GRM7: variants seen among roughly 807,000 people sequenced by gnomAD.
The protein encoded by GRM7 is metabotropic glutamate receptor 7.
GRM7 carries 35 observed loss-of-function variants against 84.5 expected under a neutral mutation model. The ratio of observed to expected loss-of-function variants is 0.41; its 90% confidence interval spans 0.32 to 0.55. The LOEUF is 0.55. Among genes scored for constraint, GRM7 ranks in the 20% least tolerant of loss-of-function variants. The pLI is 0.19. For missense variants in GRM7, 1,003 were observed against 1,194.6 expected, an observed-to-expected ratio of 0.84 and a Z score of 2.36; for synonymous variants, 487 against 455.1, an observed-to-expected ratio of 1.07 and a Z score of -0.89.
chr3:7,322,184 T>C (rs1315464603), intron 4 of GRM7, among the ~76,000 whole-genome samples: 1 of 152,076 alleles, frequency 6.6e-6, no homozygotes, highest in African/African-American at 2.4e-5. Flanking sequence ...ATATTAGTAG[T>C]GAACTTCTAG....
chr3:7,095,086 G>C (rs1698809298), intron 1 of GRM7, among the ~76,000 whole-genome samples: 1 of 151,342 alleles, frequency 6.6e-6, no homozygotes, highest in East Asian at 1.9e-4. Flanking sequence ...AGAATCTCTT[G>C]GTCTCTGGTG....
chr3:7,276,191 TTA>T (rs58218001), intron 2 of GRM7, among the ~76,000 whole-genome samples: 11,731 of 129,570 alleles, frequency 0.091, 485 homozygotes, highest in East Asian at 0.16. Flanking sequence ...ATTTTTTAAA[TTA>T]TATATATATA....
chr3:7,173,383 C>G (rs1695047346), intron 2 of GRM7, among the ~76,000 whole-genome samples: 1 of 152,154 alleles, frequency 6.6e-6, no homozygotes. Flanking sequence ...TCTCCCCACC[C>G]CTCTCCGGCT....
chr3:7,517,518 G>C (rs1018240286), intron 7 of GRM7, among the ~76,000 whole-genome samples: 21 of 151,986 alleles, frequency 1.4e-4, no homozygotes, highest in African/African-American at 4.8e-4. Flanking sequence ...TCCGCCTCTC[G>C]AGTAGCTGGG....
chr3:7,561,332 C>A, intron 7 of GRM7: 1 of 282,836 alleles, frequency 3.5e-6, no homozygotes, highest in Non-Finnish European at 7.3e-6. Context: ...GTGATTTATA[C>A]ACAAATTTAT....
chr3:7,461,825 T>C, intron 7 of GRM7, 103 bp downstream of exon 7: 1 of 1,046,480 alleles, frequency 9.6e-7, no homozygotes, highest in Non-Finnish European at 1.4e-6. Context: ...TGTGTGCATA[T>C]ACAAGTGAGC....
intron 9 of GRM7, among the ~76,000 whole-genome samples, chr3:7,725,184 T>G (rs568480355): frequency 5.9e-5 from 9 of 152,154 alleles, no homozygotes; most frequent in Admixed American, 1.3e-4. Context: ...AGGGAGCAAC[T>G]GGGGGTTGGC....
intron 7 of GRM7, among the ~76,000 whole-genome samples, chr3:7,487,109 G>C (rs62233412): frequency 0.2 from 31,102 of 152,094 alleles, 4,178 homozygotes; most frequent in East Asian, 0.61. Context: ...CCCTGTCCTA[G>C]GGCTTTATGG....
rs1052505442 is a variant in GRM7 at position 7,188,286 on chromosome 3, A to G, written c.736+41618A>G. ...AGGCAGAGAACTTTATAGCTTATAAAATAGAAATTATAGACCCAAAGAACT... is the reference window on the plus strand; with the variant it reads ...AGGCAGAGAACTTTATAGCTTATAAGATAGAAATTATAGACCCAAAGAACT... On this transcript the variant is annotated intron_variant, in intron 2 of 9. Coordinates refer to ENST00000357716, the MANE Select transcript of GRM7 (RefSeq NM_000844.4). The surrounding 1 kb of genome is among the most constrained non-coding windows in gnomAD (Gnocchi z 4.2). Among the ~76,000 whole-genome samples the G allele has an allele frequency of 7.2e-5, 11 of 152,172 alleles. No individual in the cohort carries two copies. Among genetic ancestry groups the G allele is most frequent in the African/African-American group, 2.7e-4 (11 of 41,440 alleles).
At chr3:7,375,552 C>G (rs1375178492) in intron 4 of GRM7, among the ~76,000 whole-genome samples, 1 of 152,068 alleles carries the variant, frequency 6.6e-6, no homozygotes, top group Non-Finnish European at 1.5e-5. Context: ...TCTGAATTTA[C>G]TCTTGGGCTT....
At chr3:6,942,915 C>G (rs1367159911) in intron 1 of GRM7, among the ~76,000 whole-genome samples, 1 of 151,922 alleles carries the variant, frequency 6.6e-6, no homozygotes, top group African/African-American at 2.4e-5. Context: ...TTTAGCCATT[C>G]GAGTATGCAT....
chr3:7,022,395 AATG>A (rs1695813258), intron 1 of GRM7, among the ~76,000 whole-genome samples: 3 of 151,548 alleles, frequency 2.0e-5, no homozygotes, highest in South Asian at 4.2e-4. Context: ...ACCAGTGGTC[AATG>A]ATATCTCCAT....
intron 1 of GRM7, among the ~76,000 whole-genome samples, chr3:7,034,822 C>A (rs559748814): frequency 3.9e-5 from 6 of 152,198 alleles, no homozygotes; most frequent in Non-Finnish European, 7.3e-5. Flanking sequence ...TCCTTCCAGA[C>A]TCCACTAGCT....
intron 9 of GRM7, among the ~76,000 whole-genome samples, chr3:7,701,593 T>C (rs1019129247): frequency 1.3e-5 from 2 of 152,090 alleles, no homozygotes; most frequent in African/African-American, 2.4e-5. Flanking sequence ...TGAGCCACCA[T>C]GCCCAGCTGC....
chr3:7,014,254 G>T (rs771660148), intron 1 of GRM7, among the ~76,000 whole-genome samples: 5 of 152,158 alleles, frequency 3.3e-5, no homozygotes, highest in Non-Finnish European at 7.4e-5. Context: ...TTCTTGCTTT[G>T]AGCCAGGGAG....
At chr3:7,705,091 G>C (rs1701343723) in intron 9 of GRM7, among the ~76,000 whole-genome samples, 1 of 152,040 alleles carries the variant, frequency 6.6e-6, no homozygotes, top group South Asian at 2.1e-4. Context: ...GATCCCTCTA[G>C]AGTATCTCAT....
At chr3:6,913,572 C>A (rs1696844775) in intron 1 of GRM7, among the ~76,000 whole-genome samples, 1 of 152,156 alleles carries the variant, frequency 6.6e-6, no homozygotes, top group African/African-American at 2.4e-5. Context: ...AAGTTCTTAA[C>A]TTTCCAGTAA....
intron 2 of GRM7, among the ~76,000 whole-genome samples, chr3:7,217,928 A>T (rs979553383): frequency 1.3e-5 from 2 of 151,964 alleles, no homozygotes; most frequent in South Asian, 2.1e-4. Context: ...TTATCCTCCC[A>T]TATCCTTATT....
chr3:7,449,834 T>TA (rs1271893993), intron 5 of GRM7, among the ~76,000 whole-genome samples: 1 of 152,168 alleles, frequency 6.6e-6, no homozygotes, highest in African/African-American at 2.4e-5. Context: ...ATATTTAACT[T>TA]AAAAAATTAT....
Sources: gnomAD v4.1 joint callset for allele counts (sites outside exome capture counted in the v4.1 genomes callset) on GRCh38, gnomAD v4.1.1 for gene constraint, Gnocchi (gnomAD v3.1) non-coding constraint, MANE v1.5 for transcripts, NCBI Gene and HGNC (gene_info 2026-07-23, HGNC 2026-07-21) for gene names.